Variants in FAF1 observed in about 807,000 individuals in gnomAD.
The protein encoded by FAF1 is Fas associated factor 1.
In FAF1, 25 loss-of-function variants were observed where a neutral mutation model predicts 92.5. The ratio of observed to expected loss-of-function variants is 0.27; its 90% CI spans 0.20 to 0.38. The LOEUF (loss-of-function observed/expected upper bound fraction) is 0.38, where lower values mean the gene tolerates loss of function less well. Among genes scored for constraint, FAF1 ranks in the 10% least tolerant of loss-of-function variants. FAF1 has a pLI of 1.00. For synonymous variants in FAF1, 234 were observed against 273.2 expected (o/e 0.86, Z 1.42); for missense variants, 636 against 793.3 (o/e 0.80, Z 2.38).
At chr1:50,483,083 C>T (rs1029922156) in intron 17 of FAF1, among the ~76,000 whole-genome samples, 4 of 152,098 alleles carry the variant, frequency 2.6e-5, no homozygotes, top group Admixed American at 1.3e-4. Flanking sequence ...TTTTCTCCTA[C>T]GTTTTCTTCT....
intron 8 of FAF1, among the ~76,000 whole-genome samples, chr1:50,644,147 G>C (rs1297137405): frequency 1.3e-5 from 2 of 152,120 alleles, no homozygotes; most frequent in Non-Finnish European, 2.9e-5. Context: ...GTTTTTAGAG[G>C]CAGTTACCTA....
intron 18 of FAF1, among the ~76,000 whole-genome samples, chr1:50,449,796 CT>C (rs1295290677): frequency 1.3e-5 from 2 of 151,484 alleles, no homozygotes; most frequent in African/African-American, 4.8e-5. Flanking sequence ...CCTAACTAAT[CT>C]TTTTGGTATG....
chr1:50,746,272 ATATATATATATATATATATATTTTTTT>A (rs1415431272), intron 4 of FAF1, among the ~76,000 whole-genome samples: 5 of 18,700 alleles, frequency 2.7e-4, no homozygotes, highest in Admixed American at 7.3e-4. Context: ...ATATATATAT[ATATATATATATATATATATATTTTTTT>A]TTTTTTTTTT....
intron 1 of FAF1, among the ~76,000 whole-genome samples, chr1:50,916,157 G>C (rs1011968361): frequency 2.6e-5 from 4 of 152,116 alleles, no homozygotes; most frequent in African/African-American, 9.7e-5. Context: ...CAAACAAAAG[G>C]GGGTCGTAGG....
intron 4 of FAF1, among the ~76,000 whole-genome samples, chr1:50,776,202 C>G (rs1660954364): frequency 6.6e-6 from 1 of 152,168 alleles, no homozygotes; most frequent in Non-Finnish European, 1.5e-5. Flanking sequence ...ACTGTAAAAG[C>G]TAACTTATGC....
At chr1:50,538,408 C>G (rs1648594748) in intron 14 of FAF1, among the ~76,000 whole-genome samples, 1 of 151,798 alleles carries the variant, frequency 6.6e-6, no homozygotes, top group African/African-American at 2.4e-5. Flanking sequence ...TTTTTCTTTT[C>G]TTTTTTAACT....
Position 50,960,215 on chromosome 1 carries a change from G to GGCCGCC in FAF1, c.-410_-405dup, listed in dbSNP as rs1443842053. The stretch of plus-strand genomic sequence containing the variant: ...GAGCGAGCGGGCGGGCGAACGCCGC[G>GGCCGCC]GCCGCCTCCGCCTCCTCCGCTTCCT... On this transcript the variant is annotated 5_prime_UTR_variant, in exon 1 of 19. Transcript: ENST00000396153. 9.1e-6 allele frequency: 3 copies of GGCCGCC among 330,958 alleles called. No individual in the cohort carries two copies. The highest frequency in any genetic ancestry group is 1.7e-5 in the Non-Finnish European group (3 of 181,454). 20.5% of individuals were successfully genotyped at this position (330,958 alleles called of 1,614,324 possible).
rs891944747 is a variant in FAF1 at position 50,640,981 on chromosome 1, G to A, written c.744+14461C>T. Among the ~76,000 whole-genome samples the A allele has an allele frequency of 4.0e-5, 6 of 151,642 alleles. No individual in the cohort carries two copies. The East Asian group carries it at 9.8e-4, about 25-fold the overall frequency. ...CCTGAGTAGCTGGGACTACATGTGC[G>A]CACCACCATGCCCAGCTAATTTTTG... is the stretch of plus-strand genomic sequence containing the variant. On this transcript the variant is annotated intron_variant, in intron 8 of 18. Transcript: ENST00000396153.
intron 18 of FAF1, among the ~76,000 whole-genome samples, chr1:50,468,452 T>C (rs6691007): frequency 0.92 from 136,359 of 148,856 alleles, 62,689 homozygotes; most frequent in African/African-American, 0.97. Flanking sequence ...GCCACTACAC[T>C]TGGCTAATTT....
chr1:50,747,824 G>A (rs1481932858), intron 4 of FAF1, among the ~76,000 whole-genome samples: 1 of 152,134 alleles, frequency 6.6e-6, no homozygotes, highest in African/African-American at 2.4e-5. Flanking sequence ...CTGTTCTTGT[G>A]ATACAGTTCT....
At chr1:50,686,120 A>G (rs781179920) in intron 7 of FAF1, among the ~76,000 whole-genome samples, 1 of 152,214 alleles carries the variant, frequency 6.6e-6, no homozygotes, top group Non-Finnish European at 1.5e-5. Flanking sequence ...ACGGTACCCA[A>G]TAATAGTACC....
intron 2 of FAF1, among the ~76,000 whole-genome samples, chr1:50,815,899 TG>T (rs1441897782): frequency 6.6e-6 from 1 of 151,922 alleles, no homozygotes; most frequent in Non-Finnish European, 1.5e-5. Flanking sequence ...TGGTGGTGCA[TG>T]CCTGTAGCCC....
At chr1:50,890,393 A>T (rs1349090392) in intron 1 of FAF1, among the ~76,000 whole-genome samples, 6 of 152,134 alleles carry the variant, frequency 3.9e-5, no homozygotes, top group Admixed American at 2.6e-4. Context: ...TGTGAATTTG[A>T]TCCTGTCATT....
chr1:50,732,223 C>T (rs1249840525), intron 6 of FAF1, among the ~76,000 whole-genome samples: 3 of 151,992 alleles, frequency 2.0e-5, no homozygotes, highest in Admixed American at 6.6e-5. Context: ...TACAGGCGCC[C>T]GCCACCACGC....
intron 7 of FAF1, among the ~76,000 whole-genome samples, chr1:50,703,845 T>C (rs1474619424): frequency 1.3e-5 from 2 of 152,204 alleles, no homozygotes; most frequent in East Asian, 1.9e-4. Flanking sequence ...CTTTTAATAA[T>C]TGATGTAGTC....
intron 15 of FAF1, among the ~76,000 whole-genome samples, chr1:50,526,255 A>G (rs1479994192): frequency 6.6e-6 from 1 of 151,834 alleles, no homozygotes; most frequent in Non-Finnish European, 1.5e-5. Flanking sequence ...TGGCCTGCTC[A>G]TGGTGGCATG....
chr1:50,888,201 G>A (rs1471556307), intron 1 of FAF1, among the ~76,000 whole-genome samples: 1 of 152,198 alleles, frequency 6.6e-6, no homozygotes, highest in Admixed American at 6.5e-5. Context: ...GTATATGAAT[G>A]CTTGTGATTT....
At chr1:50,742,091 A>G (rs1349964013) in intron 5 of FAF1, among the ~76,000 whole-genome samples, 1 of 151,986 alleles carries the variant, frequency 6.6e-6, no homozygotes, top group Non-Finnish European at 1.5e-5. Context: ...GGAGGACTGC[A>G]TGAGTCCAGG....
intron 18 of FAF1, among the ~76,000 whole-genome samples, chr1:50,447,633 C>T (rs1266757339): frequency 1.1e-4 from 16 of 152,322 alleles, no homozygotes; most frequent in South Asian, 4.1e-4. Flanking sequence ...CCCTTTGCCA[C>T]GCTGGCAGAA....
Sources: allele counts gnomAD v4.1 joint callset (sites outside exome capture counted in the v4.1 genomes callset), GRCh38; gene constraint gnomAD v4.1.1; transcripts MANE v1.5; gene names NCBI Gene and HGNC (gene_info 2026-07-23, HGNC 2026-07-21).